The following CNOT6L variants were observed in gnomAD, a reference collection of about 807,000 sequenced individuals.
CNOT6L encodes CCR4-NOT transcription complex subunit 6 like.
CNOT6L carries 7 observed loss-of-function variants against 64.0 expected under a neutral mutation model. The observed-to-expected ratio is 0.11, with a 90% CI of 0.06 to 0.21. CNOT6L has a LOEUF of 0.21. Ranked by LOEUF, CNOT6L falls within the 10% of genes least tolerant of loss-of-function variation. The probability of loss-of-function intolerance (pLI) is 1.00; values close to 1 mark genes in which losing one functional copy is unlikely to be tolerated. For missense variants in CNOT6L, 245 were observed against 669.0 expected, an observed-to-expected ratio of 0.37 and a Z score of 6.99; for synonymous variants, 193 against 243.4, an observed-to-expected ratio of 0.79 and a Z score of 1.93.
At chr4:77,731,718 C>T (rs80136810) in intron 8 of CNOT6L, 180 bp from the exon 9 acceptor site, 5,972 of 480,468 alleles carry the variant, frequency 0.012, 312 homozygotes, top group African/African-American at 0.11. Flanking sequence ...TCTCAGAGGC[C>T]CCACCTAACA....
At chr4:77,745,256 T>C (rs546709912) in intron 6 of CNOT6L, among the ~76,000 whole-genome samples, 2 of 152,352 alleles carry the variant, frequency 1.3e-5, no homozygotes, top group African/African-American at 4.8e-5. Context: ...TTACCTCTTA[T>C]TAACAAAATA....
chr4:77,724,566 G>A (rs2109863176), intron 11 of CNOT6L, among the ~76,000 whole-genome samples: 1 of 151,208 alleles, frequency 6.6e-6, no homozygotes, highest in East Asian at 1.9e-4. Context: ...CTTGAGCACA[G>A]GAGTTTCAGG....
intron 5 of CNOT6L, among the ~76,000 whole-genome samples, chr4:77,753,804 A>G (rs941656925): frequency 6.6e-6 from 1 of 152,032 alleles, no homozygotes; most frequent in Admixed American, 6.5e-5. Flanking sequence ...ATAACATACA[A>G]AAAAACCATC....
rs544304267 is a variant in CNOT6L at position 77,752,965 on chromosome 4, AAATT to A, written c.490+3893_490+3896del. 4.9e-3 allele frequency among the ~76,000 whole-genome samples: 743 copies of A among 151,976 alleles called. 4 individuals carry two copies. Among genetic ancestry groups the A allele is most frequent in the Admixed American group, 8.2e-3 (125 of 15,264 alleles). On this transcript the variant is annotated intron_variant, in intron 5 of 11. Coordinates refer to ENST00000504123, the MANE Select transcript of CNOT6L (RefSeq NM_144571.3). ...TGCCTGCATAATTTATCATCTGCAT[AAATT>A]AATATCTGAAATGGAAAAAAGACAT... is the stretch of plus-strand genomic sequence containing the variant.
At chr4:77,723,140 A>G (rs1721470775) in intron 11 of CNOT6L, among the ~76,000 whole-genome samples, 1 of 152,130 alleles carries the variant, frequency 6.6e-6, no homozygotes, top group African/African-American at 2.4e-5. Context: ...AGATTAGAGG[A>G]TAAACGTGGG....
chr4:77,723,751 C>A (rs1721541397), intron 11 of CNOT6L, among the ~76,000 whole-genome samples: 2 of 152,192 alleles, frequency 1.3e-5, no homozygotes, highest in Admixed American at 1.3e-4. Context: ...ATCAAACACT[C>A]TCTGAGCCAG....
At chr4:77,732,478 CT>C (rs1472441564) in intron 8 of CNOT6L, among the ~76,000 whole-genome samples, 1 of 152,052 alleles carries the variant, frequency 6.6e-6, no homozygotes, top group Non-Finnish European at 1.5e-5. Flanking sequence ...TTCCTTCAAG[CT>C]TTGAAAACAG....
rs2109825003 is a variant in CNOT6L, at chr4:77,714,632, A to G, written c.*5799T>C. The G allele has an allele frequency of 6.6e-6, 1 of 152,660 alleles. No individual in the cohort carries two copies. Among genetic ancestry groups the G allele is most frequent in the South Asian group, 2.1e-4 (1 of 4,826 alleles). 9.5% of individuals were successfully genotyped at this position (152,660 alleles called of 1,614,324 possible). ...GGACAACAACTGTACGAATGCCCAT[A>G]GTGCACATCTCAGTGCTGCTGGTGT... is the stretch of plus-strand genomic sequence containing the variant. On this transcript the variant is annotated 3_prime_UTR_variant, in exon 12 of 12. Coordinates refer to ENST00000504123, the MANE Select transcript of CNOT6L (RefSeq NM_144571.3).
intron 1 of CNOT6L, among the ~76,000 whole-genome samples, chr4:77,787,315 T>A (rs752509677): frequency 1.5e-4 from 23 of 152,140 alleles, no homozygotes; most frequent in Non-Finnish European, 2.6e-4. Context: ...CTAATCCTAG[T>A]TGCCTCCTTC....
At chr4:77,779,398 A>G (rs933700504) in intron 1 of CNOT6L, among the ~76,000 whole-genome samples, 12 of 152,174 alleles carry the variant, frequency 7.9e-5, no homozygotes, top group African/African-American at 2.7e-4. Context: ...GATATTTTTA[A>G]AATCTAAATA....
At position 77,726,806 on chromosome 4, in the gene CNOT6L, T is replaced by G. The variant is rs374644867; in HGVS notation, c.1253-437A>C. On this transcript the variant is annotated intron_variant, in intron 10 of 11. Coordinates refer to ENST00000504123, the MANE Select transcript of CNOT6L (RefSeq NM_144571.3). The stretch of plus-strand genomic sequence containing the variant: ...TATAAGTAGAGCATATTAATAAAAA[T>G]AGTTTACAACAAAAACAGATTTTGC... Among the ~76,000 whole-genome samples, 10 of 152,346 alleles carry G rather than the reference T, an allele frequency of 6.6e-5. No homozygotes were observed. The East Asian group carries it at 7.7e-4, about 12-fold the overall frequency.
chr4:77,805,217 T>A (rs1013280469), intron 1 of CNOT6L, among the ~76,000 whole-genome samples: 2 of 152,072 alleles, frequency 1.3e-5, no homozygotes, highest in African/African-American at 2.4e-5. Flanking sequence ...AACCAGAAAA[T>A]TATGCGTTTT....
At chr4:77,755,246 T>G (rs1215311539) in intron 5 of CNOT6L, among the ~76,000 whole-genome samples, 6 of 132,900 alleles carry the variant, frequency 4.5e-5, no homozygotes, top group African/African-American at 5.6e-5. Flanking sequence ...TTTTTTTTTT[T>G]TTTTTTTTTT....
intron 1 of CNOT6L, among the ~76,000 whole-genome samples, chr4:77,790,960 G>A (rs1383791647): frequency 6.6e-6 from 1 of 151,378 alleles, no homozygotes; most frequent in Non-Finnish European, 1.5e-5. Context: ...ACTGTGCCCA[G>A]CCAAAACTTT....
At chr4:77,780,704 T>G (rs929359628) in intron 1 of CNOT6L, among the ~76,000 whole-genome samples, 2 of 152,182 alleles carry the variant, frequency 1.3e-5, no homozygotes, top group African/African-American at 4.8e-5. Context: ...CACCAAAGGC[T>G]GATTAAACAC....
rs1446042338 is a variant in CNOT6L, at chr4:77,716,822, G to A, written c.*3609C>T. 1 of 152,482 alleles carries A rather than the reference G, an allele frequency of 6.6e-6. No homozygotes were observed. Among genetic ancestry groups the A allele is most frequent in the African/African-American group, 2.4e-5 (1 of 41,394 alleles). The allele number at this position is 152,482 out of a possible 1,614,324, so 9.4% of individuals were successfully genotyped here. The stretch of plus-strand genomic sequence containing the variant: ...CTTCTTTAATACATTCACACAGGAT[G>A]CTAATTAGTAAAATTAAATACCTGC... On this transcript the variant is annotated 3_prime_UTR_variant, in exon 12 of 12. Transcript: ENST00000504123.
At chr4:77,737,592 T>C (rs1043586801) in intron 8 of CNOT6L, among the ~76,000 whole-genome samples, 1 of 151,898 alleles carries the variant, frequency 6.6e-6, no homozygotes, top group Non-Finnish European at 1.5e-5. Context: ...AGCTAATTTT[T>C]CTATTTTTAG....
chr4:77,795,363 G>A (rs1351329792), intron 1 of CNOT6L, among the ~76,000 whole-genome samples: 1 of 152,108 alleles, frequency 6.6e-6, no homozygotes, highest in African/African-American at 2.4e-5. Flanking sequence ...TAAAAAAATA[G>A]AGATTAATAT....
chr4:77,800,127 CA>C (rs1299532047), intron 1 of CNOT6L, among the ~76,000 whole-genome samples: 4 of 151,532 alleles, frequency 2.6e-5, no homozygotes, highest in Admixed American at 2.6e-4. Context: ...TTGATAGTAT[CA>C]AAAACTGAAC....
Sources: allele counts gnomAD v4.1 joint callset (sites outside exome capture counted in the v4.1 genomes callset), GRCh38; gene constraint gnomAD v4.1.1; transcripts MANE v1.5; gene names NCBI Gene and HGNC (gene_info 2026-07-23, HGNC 2026-07-21).